The following CFAP299 variants were observed in gnomAD, a reference collection of about 807,000 sequenced individuals.
The protein encoded by CFAP299 is cilia and flagella associated protein 299.
A neutral mutation model predicts 27.0 loss-of-function variants in CFAP299; 21 were observed. The observed-to-expected ratio is 0.78, with a 90% confidence interval of 0.55 to 1.12. The LOEUF is 1.12. CFAP299 is among the 50% of genes most tolerant of loss of function. CFAP299 has a pLI of 0.00. For synonymous variants in CFAP299, 104 were observed against 98.1 expected, an observed-to-expected ratio of 1.06 and a Z score of -0.36; for missense variants, 310 against 276.6, an observed-to-expected ratio of 1.12 and a Z score of -0.86.
chr4:80,508,638 G>A (rs1379354340), intron 2 of CFAP299, among the ~76,000 whole-genome samples: 3 of 151,950 alleles, frequency 2.0e-5, no homozygotes, highest in Non-Finnish European at 2.9e-5. Flanking sequence ...GGCTCACTGC[G>A]GCCTTGACCT....
chr4:80,855,551 C>A lies in CFAP299; in HGVS notation c.334-14442C>A, dbSNP rs186480420. On this transcript the variant is annotated intron_variant, in intron 3 of 5. Coordinates refer to ENST00000358105, the MANE Select transcript of CFAP299 (RefSeq NM_152770.3). ...AGGTATATCTCACAATGCTATCCCT[C>A]CCCTCTCCCCCCAACCCACAACAGT... Among the ~76,000 whole-genome samples the A allele has an allele frequency of 1.8e-3, 270 of 152,194 alleles. 1 individual carries two copies. The highest frequency in any genetic ancestry group is 6.3e-3 in the African/African-American group (263 of 41,520).
At chr4:80,457,049 A>G (rs1328479668) in intron 2 of CFAP299, among the ~76,000 whole-genome samples, 1 of 151,874 alleles carries the variant, frequency 6.6e-6, no homozygotes, top group Non-Finnish European at 1.5e-5. Context: ...TATATTATTA[A>G]AGAGACCATG....
intron 1 of CFAP299, among the ~76,000 whole-genome samples, chr4:80,347,833 A>C (rs1381843839): frequency 6.6e-6 from 1 of 152,240 alleles, no homozygotes; most frequent in East Asian, 1.9e-4. Context: ...GACAATCCTA[A>C]GCATAAAGAT....
At chr4:80,581,475 T>G (rs924991622) in intron 2 of CFAP299, among the ~76,000 whole-genome samples, 3 of 138,606 alleles carry the variant, frequency 2.2e-5, no homozygotes, top group East Asian at 2.1e-4. Flanking sequence ...TATATATATA[T>G]ATATATATAT....
intron 3 of CFAP299, among the ~76,000 whole-genome samples, chr4:80,780,769 T>A (rs1377588817): frequency 6.6e-6 from 1 of 151,912 alleles, no homozygotes. Flanking sequence ...AAATATGTAA[T>A]CCTGTGAGAC....
intron 3 of CFAP299, among the ~76,000 whole-genome samples, chr4:80,689,086 G>T (rs912909700): frequency 5.9e-5 from 9 of 152,142 alleles, no homozygotes; most frequent in Non-Finnish European, 1.2e-4. Flanking sequence ...TGAAAGTGAC[G>T]GGGAGAATGG....
At chr4:80,925,971 G>C (rs1235335731) in intron 4 of CFAP299, among the ~76,000 whole-genome samples, 1 of 152,038 alleles carries the variant, frequency 6.6e-6, no homozygotes, top group Non-Finnish European at 1.5e-5. Flanking sequence ...AGTTTCTACA[G>C]TAGATTATCC....
At chr4:80,323,576 G>C in the CFAP299 span, among the ~76,000 whole-genome samples, 1 of 152,060 alleles carries the variant, frequency 6.6e-6, no homozygotes, top group Non-Finnish European at 1.5e-5. Flanking sequence ...TACATAAAAA[G>C]TACATTAGCC....
chr4:80,873,392 A>G (rs1353269585), intron 4 of CFAP299, among the ~76,000 whole-genome samples: 1 of 152,126 alleles, frequency 6.6e-6, no homozygotes, highest in Non-Finnish European at 1.5e-5. Context: ...GTAGCAGTAG[A>G]AAGGGCCCTG....
Position 80,583,082 on chromosome 4 carries a change from G to T in CFAP299, c.243-11G>T. 6.3e-7 allele frequency: 1 copy of T among 1,576,790 alleles called. No homozygotes were observed. Among genetic ancestry groups the T allele is most frequent in the Non-Finnish European group, 8.7e-7 (1 of 1,153,814 alleles). Reference sequence around the variant, plus strand: ...TCTAATATATTATAACTGAAGATCTGCCTTTTACAGGACGCTAACAAGTGC... The same window carrying T: ...TCTAATATATTATAACTGAAGATCTTCCTTTTACAGGACGCTAACAAGTGC... On this transcript the variant is annotated splice_polypyrimidine_tract_variant and intron_variant, in intron 2 of 5. Transcript: ENST00000358105.
intron 3 of CFAP299, among the ~76,000 whole-genome samples, chr4:80,786,676 A>G (rs748389030): frequency 9.9e-5 from 15 of 152,124 alleles, no homozygotes; most frequent in Non-Finnish European, 1.6e-4. Context: ...GCTGTTTTTT[A>G]CTGGAATCCT....
chr4:80,540,068 TG>T, intron 2 of CFAP299, among the ~76,000 whole-genome samples: 1 of 152,342 alleles, frequency 6.6e-6, no homozygotes, highest in Admixed American at 6.5e-5. Context: ...ATTGTGTTTT[TG>T]CCAAAGGAAT....
chr4:80,446,902 G>T (rs1300839886), intron 2 of CFAP299, among the ~76,000 whole-genome samples: 4 of 152,074 alleles, frequency 2.6e-5, no homozygotes, highest in Non-Finnish European at 5.9e-5. Context: ...TGGCTTTTCA[G>T]ATTTGCAAAG....
At chr4:80,645,346 C>T (rs942873266) in intron 3 of CFAP299, among the ~76,000 whole-genome samples, 2 of 134,028 alleles carry the variant, frequency 1.5e-5, no homozygotes, top group African/African-American at 2.5e-5. Flanking sequence ...CTCTACCTAC[C>T]TTCTTTTAGC....
intron 3 of CFAP299, among the ~76,000 whole-genome samples, chr4:80,607,304 G>C (rs2109911343): frequency 6.6e-6 from 1 of 152,248 alleles, no homozygotes; most frequent in South Asian, 2.1e-4. Context: ...TCCTTAGATA[G>C]ACAAGAAACA....
At chr4:80,627,311 A>C (rs529934913) in intron 3 of CFAP299, among the ~76,000 whole-genome samples, 2 of 151,916 alleles carry the variant, frequency 1.3e-5, no homozygotes, top group African/African-American at 4.8e-5. Flanking sequence ...TGATTAAAAA[A>C]CTCTAAATAA....
At chr4:80,576,195 A>ATATATATATATAT (rs1221226539) in intron 2 of CFAP299, among the ~76,000 whole-genome samples, 1 of 40,834 alleles carries the variant, frequency 2.4e-5, no homozygotes, top group Admixed American at 3.9e-4. Flanking sequence ...AATAAAAAAA[A>ATATATATATATAT]AAATATATAT....
intron 2 of CFAP299, among the ~76,000 whole-genome samples, chr4:80,401,940 A>T (rs868120540): frequency 3.9e-5 from 6 of 152,170 alleles, no homozygotes; most frequent in African/African-American, 1.4e-4. Flanking sequence ...TGAGAGTTGG[A>T]ATCAAAGGAG....
chr4:80,694,997 A>T (rs1720996385), intron 3 of CFAP299, among the ~76,000 whole-genome samples: 1 of 152,324 alleles, frequency 6.6e-6, no homozygotes, highest in South Asian at 2.1e-4. Flanking sequence ...TGACCAAATC[A>T]TTAGGGTTTT....
Sources: allele counts gnomAD v4.1 joint callset (sites outside exome capture counted in the v4.1 genomes callset), GRCh38; gene constraint gnomAD v4.1.1; transcripts MANE v1.5; gene names NCBI Gene and HGNC (gene_info 2026-07-23, HGNC 2026-07-21).